RNF11: variants seen among roughly 807,000 people sequenced by gnomAD.
The protein encoded by RNF11 is ring finger protein 11.
In RNF11, 4 loss-of-function variants were observed where a neutral mutation model predicts 15.8. The observed-to-expected ratio is 0.25, with a 90% CI of 0.12 to 0.58. RNF11 has a LOEUF of 0.58. Ranked by LOEUF, RNF11 falls within the 20% of genes least tolerant of loss-of-function variation. The pLI is 0.91. For synonymous variants in RNF11, 68 were observed against 72.3 expected (o/e 0.94, Z 0.30); for missense variants, 139 against 194.4 (o/e 0.71, Z 1.70).
chr1:51,244,676 A>C (rs915021901), intron 1 of RNF11, among the ~76,000 whole-genome samples: 2 of 152,028 alleles, frequency 1.3e-5, no homozygotes, highest in Non-Finnish European at 2.9e-5. Flanking sequence ...GCCCAGCCTG[A>C]ATTTGGTTTT....
intron 1 of RNF11, among the ~76,000 whole-genome samples, chr1:51,249,831 C>T (rs866931250): frequency 1.3e-5 from 2 of 152,120 alleles, no homozygotes; most frequent in African/African-American, 4.8e-5. Context: ...AATGGAGCCA[C>T]ATGTATATTT....
At chr1:51,259,960 G>A (rs1357770951) in intron 1 of RNF11, among the ~76,000 whole-genome samples, 1 of 152,172 alleles carries the variant, frequency 6.6e-6, no homozygotes, top group Non-Finnish European at 1.5e-5. Flanking sequence ...AGTCTTAAAA[G>A]CCCCTAAAAG....
rs546959884 is a variant in RNF11, at chr1:51,272,835, AAC to A, written c.*1517_*1518del. 9.9e-5 allele frequency: 15 copies of A among 152,280 alleles called. No individual in the cohort carries two copies. The highest frequency in any genetic ancestry group is 1.7e-4 in the African/African-American group (7 of 41,582). The allele number at this position is 152,280 out of a possible 1,614,324, so 9.4% of individuals were successfully genotyped here. A position where few individuals can be genotyped will look rare whatever the true frequency, so the allele number is the denominator to read the frequency against. ...AACTCTAACAGTTTTCTACATACAA[AAC>A]ACAGTGTCATGAAGGTTATTCATAA... is the stretch of plus-strand genomic sequence containing the variant. On this transcript the variant is annotated 3_prime_UTR_variant, in exon 3 of 3. Coordinates refer to ENST00000242719, the MANE Select transcript of RNF11 (RefSeq NM_014372.5).
intron 1 of RNF11, among the ~76,000 whole-genome samples, chr1:51,240,739 A>G (rs1457155126): frequency 6.6e-6 from 1 of 151,700 alleles, no homozygotes; most frequent in African/African-American, 2.4e-5. Flanking sequence ...ATTGTAGATC[A>G]GGTTTTTTTT....
chr1:51,252,100 AAAG>A lies in RNF11; in HGVS notation c.123+15224_123+15226del, dbSNP rs1413071222. Among the ~76,000 whole-genome samples, 504 of 150,714 alleles carry A rather than the reference AAAG, an allele frequency of 3.3e-3. 5 individuals carry two copies. The highest frequency in any genetic ancestry group is 0.012 in the African/African-American group (474 of 40,670). On this transcript the variant is annotated intron_variant, in intron 1 of 2. Coordinates refer to ENST00000242719, the MANE Select transcript of RNF11 (RefSeq NM_014372.5). The stretch of plus-strand genomic sequence containing the variant: ...TCAAAGCAAAAAAAAAAAAAAAAAA[AAAG>A]AAACAGAAAAAGAAAATACAGTATA...
At chr1:51,264,833 C>T (rs1646947795) in intron 1 of RNF11, 1 of 152,136 alleles carries the variant, frequency 6.6e-6, no homozygotes, top group East Asian at 1.9e-4. Flanking sequence ...ATGTAGTGCC[C>T]TTCAGACAGA....
chr1:51,236,751 C>G lies in RNF11; in HGVS notation c.-6C>G, dbSNP rs1242776960. On this transcript the variant is annotated 5_prime_UTR_variant, in exon 1 of 3. Coordinates refer to ENST00000242719, the MANE Select transcript of RNF11 (RefSeq NM_014372.5). Reference sequence around the variant, plus strand: ...TCCCCCAGATCACGCACCCCAGCTCCGGAAGATGGGGAACTGCCTCAAATC... The same window carrying G: ...TCCCCCAGATCACGCACCCCAGCTCGGGAAGATGGGGAACTGCCTCAAATC... 2 of 1,612,836 alleles carry G rather than the reference C, an allele frequency of 1.2e-6. No homozygotes were observed. Among genetic ancestry groups the G allele is most frequent in the East Asian group, 2.2e-5 (1 of 44,786 alleles).
At chr1:51,244,448 G>A (rs187008929) in intron 1 of RNF11, among the ~76,000 whole-genome samples, 2 of 151,992 alleles carry the variant, frequency 1.3e-5, no homozygotes, top group African/African-American at 4.8e-5. Context: ...GCAGTGGCGC[G>A]ATCTCAGCTC....
At chr1:51,253,513 C>G (rs1335328919) in intron 1 of RNF11, among the ~76,000 whole-genome samples, 1 of 145,972 alleles carries the variant, frequency 6.9e-6, no homozygotes, top group Non-Finnish European at 1.5e-5. Flanking sequence ...ACCTCAAGAT[C>G]CTGTCTCTTA....
At chr1:51,264,288 ATATATATATATAT>A (rs1283396085) in intron 1 of RNF11, among the ~76,000 whole-genome samples, 1 of 38,874 alleles carries the variant, frequency 2.6e-5, no homozygotes, top group Non-Finnish European at 4.8e-5. Context: ...AAAAAAAAAA[ATATATATATATAT>A]ATATATATAT....
At chr1:51,251,677 C>A (rs1465901860) in intron 1 of RNF11, among the ~76,000 whole-genome samples, 1 of 152,150 alleles carries the variant, frequency 6.6e-6, no homozygotes, top group African/African-American at 2.4e-5. Flanking sequence ...GTGGCTAATA[C>A]CTGTCATCCC....
intron 1 of RNF11, among the ~76,000 whole-genome samples, chr1:51,265,722 G>A (rs1255157043): frequency 6.6e-6 from 1 of 152,178 alleles, no homozygotes; most frequent in East Asian, 1.9e-4. Context: ...GGGAAGAGAG[G>A]AAGTCAGAGG....
At chr1:51,237,847 GT>G (rs1646812129) in intron 1 of RNF11, among the ~76,000 whole-genome samples, 2 of 152,294 alleles carry the variant, frequency 1.3e-5, no homozygotes, top group East Asian at 3.9e-4. Context: ...TTCCTGAAGA[GT>G]TTAGTTTTCT....
In RNF11 at chr1:51,262,715, C is replaced by CTTTTTTTTTTTTTTT. The variant is rs35542254; in HGVS notation, c.124-7231_124-7217dup. ...GTGTGCACTACCACCGCCTGCTAAT[C>CTTTTTTTTTTTTTTT]TTTTTTTTTTTTTTTTTTTTTTTTG... On this transcript the variant is annotated intron_variant, in intron 1 of 2. Coordinates refer to ENST00000242719, the MANE Select transcript of RNF11 (RefSeq NM_014372.5). Among the ~76,000 whole-genome samples the CTTTTTTTTTTTTTTT allele has an allele frequency of 2.5e-4, 21 of 84,092 alleles. 1 individual carries two copies. Among genetic ancestry groups the CTTTTTTTTTTTTTTT allele is most frequent in the African/African-American group, 3.4e-4 (7 of 20,510 alleles). 55.2% of individuals were successfully genotyped at this position (84,092 alleles called of 152,430 possible).
Position 51,236,389 on chromosome 1 carries a change from G to A in RNF11, c.-368G>A, listed in dbSNP as rs1026247308. 1.2e-5 allele frequency: 2 copies of A among 162,480 alleles called. No individual in the cohort carries two copies. Among genetic ancestry groups the A allele is most frequent in the Non-Finnish European group, 2.7e-5 (2 of 75,098 alleles). The allele number at this position is 162,480 out of a possible 1,614,324, so 10.1% of individuals were successfully genotyped here. A position where few individuals can be genotyped will look rare whatever the true frequency, so the allele number is the denominator to read the frequency against. On this transcript the variant is annotated 5_prime_UTR_variant, in exon 1 of 3. Coordinates refer to ENST00000242719, the MANE Select transcript of RNF11 (RefSeq NM_014372.5). ...CAGCAGCAGCTGAGGCAGCAGCTGA[G>A]GCAGCCGCGACGGCCGCGCCCCCCC...
chr1:51,270,072 G>A lies in RNF11; in HGVS notation c.240G>A (p.Leu80=), dbSNP rs1331898301. ...AAAGAATAGGTCTTATACAACATCTGCCTAAAGGAGTTTATGACCCTGGAA... is the reference window on the plus strand; with the variant it reads ...AAAGAATAGGTCTTATACAACATCTACCTAAAGGAGTTTATGACCCTGGAA... ...IAQRIGLIQH[L]PKGVYDPGRD... The change falls in exon 2 of 3, where the codon CTG becomes CTA. Residue 80 remains leucine (L), a synonymous_variant. Transcript: ENST00000242719. 2 of 1,613,542 alleles carry A rather than the reference G, an allele frequency of 1.2e-6. No homozygotes were observed. Among genetic ancestry groups the A allele is most frequent in the South Asian group, 2.2e-5 (2 of 90,978 alleles).
chr1:51,251,425 T>C, intron 1 of RNF11: 2 of 1,088,644 alleles, frequency 1.8e-6, no homozygotes, highest in Admixed American at 2.1e-5. Context: ...CAGTTCCCCA[T>C]CCCAGGGCCT....
At chr1:51,268,978 ATC>A (rs1646967489) in intron 1 of RNF11, among the ~76,000 whole-genome samples, 1 of 152,236 alleles carries the variant, frequency 6.6e-6, no homozygotes, top group African/African-American at 2.4e-5. Flanking sequence ...GCTCTTAGTT[ATC>A]TCATGATTAT....
At chr1:51,270,363 A>G (rs1569689183) in intron 2 of RNF11, among the ~76,000 whole-genome samples, 1 of 152,186 alleles carries the variant, frequency 6.6e-6, no homozygotes, top group East Asian at 1.9e-4. Context: ...CTGTAATCCC[A>G]GCACTTTGGG....
Sources: allele counts gnomAD v4.1 joint callset (sites outside exome capture counted in the v4.1 genomes callset), GRCh38; gene constraint gnomAD v4.1.1; transcripts MANE v1.5; gene names NCBI Gene and HGNC (gene_info 2026-07-23, HGNC 2026-07-21).